DMD: variants seen among roughly 807,000 people sequenced by gnomAD.
The protein encoded by DMD is dystrophin, also known as mutant dystrophin.
In DMD, 63 loss-of-function variants were observed where a neutral mutation model predicts 330.1. That is an observed-to-expected ratio of 0.19 (90% CI 0.16 to 0.24). The LOEUF is 0.24. DMD is among the 10% of genes least tolerant of loss of function. The pLI is 1.00. For synonymous variants in DMD, 1,223 were observed against 959.8 expected, an observed-to-expected ratio of 1.27 and a Z score of -5.07; for missense variants, 3,344 against 2,684.1, an observed-to-expected ratio of 1.25 and a Z score of -5.43.
chrX:31,530,696 CTAAGTTTTAGGG>C (rs2073709415), intron 55 of DMD, among the ~76,000 whole-genome samples: 1 of 41,120 alleles, frequency 2.4e-5, no homozygotes, highest in African/African-American at 1.0e-4. Flanking sequence ...TTATTATACT[CTAAGTTTTAGGG>C]TACATGTGCA....
chrX:31,983,025 C>T (rs1157240924), intron 44 of DMD, among the ~76,000 whole-genome samples: 1 of 107,442 alleles, frequency 9.3e-6, no homozygotes, highest in East Asian at 3.0e-4. Context: ...CATGAACTAT[C>T]TAGGGAGAAA....
In DMD at chrX:33,131,554, A is replaced by G. The variant is rs764724345; in HGVS notation, c.31+79728T>C. On this transcript the variant is annotated intron_variant, in intron 1 of 78. Transcript: ENST00000357033. ...GACCCCCCAGGTGATTCTGTTATCC[A>G]ACAGTTTGAGAACCACTTTCTAGAC... Among the ~76,000 whole-genome samples the G allele has an allele frequency of 6.2e-5, 7 of 112,071 alleles. No individual in the cohort carries two copies. The South Asian group carries it at 2.2e-3, about 36-fold the overall frequency.
chrX:32,111,137 G>T (rs1396770824), intron 44 of DMD, among the ~76,000 whole-genome samples: 3 of 111,938 alleles, frequency 2.7e-5, no homozygotes, highest in African/African-American at 9.7e-5. Context: ...GCCCAATAAG[G>T]TTCCATTTTC....
chrX:31,881,944 T>C (rs1481017934), intron 47 of DMD, among the ~76,000 whole-genome samples: 1 of 112,421 alleles, frequency 8.9e-6, no homozygotes, highest in Non-Finnish European at 1.9e-5. Context: ...CAAACACTAC[T>C]GAGACAGTGA....
At chrX:33,237,489 C>T (rs2052509824) in intron 1 of DMD, among the ~76,000 whole-genome samples, 1 of 110,990 alleles carries the variant, frequency 9.0e-6, no homozygotes, top group Admixed American at 9.6e-5. Context: ...AAGTGATCCA[C>T]TCACCTTGGC....
At chrX:32,630,323 A>G (rs972926385) in intron 11 of DMD, among the ~76,000 whole-genome samples, 2 of 105,390 alleles carry the variant, frequency 1.9e-5, no homozygotes, top group African/African-American at 6.8e-5. Flanking sequence ...TTTCTATGTG[A>G]TTTTTTTTTT....
At chrX:32,941,098 A>G (rs781404935) in intron 2 of DMD, among the ~76,000 whole-genome samples, 29 of 111,840 alleles carry the variant, frequency 2.6e-4, no homozygotes, top group Non-Finnish European at 4.9e-4. Context: ...AACCACAATG[A>G]GATACCATCG....
chrX:32,538,785 G>A (rs769321795), intron 17 of DMD, among the ~76,000 whole-genome samples: 2 of 111,148 alleles, frequency 1.8e-5, no homozygotes, highest in East Asian at 2.8e-4. Context: ...TGGTGACTCC[G>A]ACGCATGCTG....
intron 1 of DMD, among the ~76,000 whole-genome samples, chrX:33,058,022 G>A (rs1025003264): frequency 1.8e-5 from 2 of 110,474 alleles, no homozygotes; most frequent in Non-Finnish European, 3.8e-5. Flanking sequence ...GGGATTACAG[G>A]CGCCTGCCAC....
intron 63 of DMD, among the ~76,000 whole-genome samples, chrX:31,233,533 CAT>C (rs1284126897): frequency 1.8e-5 from 2 of 110,879 alleles, no homozygotes; most frequent in Non-Finnish European, 3.8e-5. Context: ...ATTGCAAAAA[CAT>C]ACTCTTCATA....
chrX:31,124,315 A>T (rs1473115550), intron 78 of DMD, among the ~76,000 whole-genome samples: 1 of 111,965 alleles, frequency 8.9e-6, no homozygotes, highest in Non-Finnish European at 1.9e-5. Context: ...GGAGTTTTTC[A>T]TTAGATCCAG....
intron 51 of DMD, among the ~76,000 whole-genome samples, chrX:31,760,821 C>T (rs2089518484): frequency 9.1e-6 from 1 of 109,651 alleles, no homozygotes; most frequent in South Asian, 3.9e-4. Context: ...ACGATAATAA[C>T]AGGTAAAAAA....
chrX:32,848,836 C>T (rs2080899380), intron 3 of DMD, among the ~76,000 whole-genome samples: 2 of 111,393 alleles, frequency 1.8e-5, no homozygotes, highest in Non-Finnish European at 3.8e-5. Context: ...TAAAATAATA[C>T]AGGCAAAAAC....
chrX:33,233,962 G>T (rs1245251571), intron 1 of DMD, among the ~76,000 whole-genome samples: 1 of 111,829 alleles, frequency 8.9e-6, no homozygotes, highest in African/African-American at 3.3e-5. Context: ...TTTTACAACT[G>T]TTCTTAACTC....
chrX:33,333,950 A>G (rs903208397), intron 1 of DMD, among the ~76,000 whole-genome samples: 1 of 111,071 alleles, frequency 9.0e-6, no homozygotes, highest in Non-Finnish European at 1.9e-5. Context: ...GAGAGTCTAT[A>G]AACCCACGAA....
At chrX:32,612,141 C>T (rs185667435) in intron 12 of DMD, among the ~76,000 whole-genome samples, 223 of 111,426 alleles carry the variant, frequency 2.0e-3, no homozygotes, top group African/African-American at 7.0e-3. Flanking sequence ...CTGTGGATAC[C>T]TGGAGCTCAG....
In DMD at chrX:31,467,698, G is replaced by T. The variant is rs533919653; in HGVS notation, c.8937+10408C>A. On this transcript the variant is annotated intron_variant, in intron 59 of 78. Transcript: ENST00000357033. ...GCCTCATAAAAAGAGTTAGGGAGGA[G>T]TCCCTCTTTTCCTATTGTTTAGAAT... Among the ~76,000 whole-genome samples, 3 of 111,898 alleles carry T rather than the reference G, an allele frequency of 2.7e-5. No homozygotes were observed. The East Asian group carries it at 8.4e-4, about 32-fold the overall frequency.
At chrX:31,636,164 G>C (rs754036609) in intron 54 of DMD, among the ~76,000 whole-genome samples, 23 of 110,999 alleles carry the variant, frequency 2.1e-4, no homozygotes, top group Non-Finnish European at 4.2e-4. Context: ...GACACAGAGA[G>C]GAACAACAGA....
intron 1 of DMD, among the ~76,000 whole-genome samples, chrX:33,242,572 T>C (rs922871391): frequency 8.9e-6 from 1 of 112,024 alleles, no homozygotes; most frequent in Non-Finnish European, 1.9e-5. Context: ...CAAGTATCTT[T>C]TACATATAAT....
Sources: allele counts gnomAD v4.1 joint callset (sites outside exome capture counted in the v4.1 genomes callset), GRCh38; gene constraint gnomAD v4.1.1; transcripts MANE v1.5; gene names NCBI Gene and HGNC (gene_info 2026-07-23, HGNC 2026-07-21).